FER: variants seen among roughly 807,000 people sequenced by gnomAD.
The protein encoded by FER is tyrosine-protein kinase Fer.
A neutral mutation model predicts 111.0 loss-of-function variants in FER; 63 were observed. The ratio of observed to expected loss-of-function variants is 0.57; its 90% confidence interval spans 0.46 to 0.70. The LOEUF is 0.70. Among genes scored for constraint, FER ranks in the 30% least tolerant of loss-of-function variants. FER has a pLI of 0.00. For missense variants in FER, 914 were observed against 954.0 expected, an observed-to-expected ratio of 0.96 and a Z score of 0.55; for synonymous variants, 327 against 313.9, an observed-to-expected ratio of 1.04 and a Z score of -0.44.
At chr5:109,064,890 T>C (rs945638630) in intron 16 of FER, among the ~76,000 whole-genome samples, 9 of 152,224 alleles carry the variant, frequency 5.9e-5, no homozygotes, top group African/African-American at 2.2e-4. Flanking sequence ...TTGTAGGTGA[T>C]AATTTTTATA....
chr5:109,102,890 A>G (rs754792999), intron 17 of FER, among the ~76,000 whole-genome samples: 1 of 152,108 alleles, frequency 6.6e-6, no homozygotes, highest in Non-Finnish European at 1.5e-5. Context: ...GTGCTGTAGA[A>G]CCCTGTTCCT....
intron 9 of FER, among the ~76,000 whole-genome samples, chr5:108,892,400 A>C (rs1049807656): frequency 3.3e-5 from 5 of 151,912 alleles, no homozygotes; most frequent in East Asian, 1.9e-4. Flanking sequence ...TTTGATTTGC[A>C]TTTCTCTGAT....
intron 17 of FER, among the ~76,000 whole-genome samples, chr5:109,110,245 T>C (rs1185912671): frequency 6.6e-6 from 1 of 152,084 alleles, no homozygotes; most frequent in African/African-American, 2.4e-5. Flanking sequence ...TTTTAAAAAA[T>C]AATAATCAAA....
intron 17 of FER, among the ~76,000 whole-genome samples, chr5:109,144,045 G>A (rs1229048110): frequency 1.3e-5 from 2 of 151,814 alleles, no homozygotes; most frequent in Non-Finnish European, 2.9e-5. Context: ...TTATTGCTGT[G>A]TTTCCATAAT....
chr5:109,026,824 G>T (rs1033359343), intron 13 of FER, among the ~76,000 whole-genome samples: 3 of 151,950 alleles, frequency 2.0e-5, no homozygotes, highest in Non-Finnish European at 2.9e-5. Flanking sequence ...GATTACAGGC[G>T]CCCGCCACCA....
rs369843575 is a variant in FER at position 109,174,110 on chromosome 5, A to G, written c.2049-6637A>G. On this transcript the variant is annotated intron_variant, in intron 17 of 19. Coordinates refer to ENST00000281092, the MANE Select transcript of FER (RefSeq NM_005246.4). ...TCCTTTGGGGCCACTTTTAGAAATAAGTGCCCTGTTAGTAATGGGCACAGA... is the reference window on the plus strand; with the variant it reads ...TCCTTTGGGGCCACTTTTAGAAATAGGTGCCCTGTTAGTAATGGGCACAGA... Among the ~76,000 whole-genome samples, 213 of 152,306 alleles carry G rather than the reference A, an allele frequency of 1.4e-3. 5 individuals carry two copies. The South Asian group carries it at 0.04, about 28-fold the overall frequency.
intron 8 of FER, among the ~76,000 whole-genome samples, chr5:108,882,505 A>T (rs774546046): frequency 1.4e-4 from 21 of 151,608 alleles, no homozygotes; most frequent in Middle Eastern, 3.4e-3. Context: ...GTGAACTTCC[A>T]TTGTGTTTTT....
chr5:109,119,227 T>G (rs1220134557), intron 17 of FER, among the ~76,000 whole-genome samples: 1 of 152,214 alleles, frequency 6.6e-6, no homozygotes, highest in Non-Finnish European at 1.5e-5. Context: ...CTCATTGGTT[T>G]CAAAGAACAT....
chr5:109,015,949 T>C (rs1017827210), intron 13 of FER, among the ~76,000 whole-genome samples: 1 of 151,974 alleles, frequency 6.6e-6, no homozygotes, highest in East Asian at 1.9e-4. Context: ...TTCTCTGGCT[T>C]TGGATGCTCC....
intron 16 of FER, chr5:109,052,103 C>T: frequency 5.6e-6 from 9 of 1,604,836 alleles, no homozygotes; most frequent in Non-Finnish European, 7.7e-6. Flanking sequence ...TTGACACCAT[C>T]AGTTTGGGCA....
intron 13 of FER, among the ~76,000 whole-genome samples, chr5:108,969,047 A>T (rs577374788): frequency 1.3e-5 from 2 of 152,294 alleles, no homozygotes; most frequent in South Asian, 4.1e-4. Flanking sequence ...TGTGGATAAA[A>T]ATGCTCTTTG....
chr5:108,929,392 G>A (rs991888877), intron 10 of FER, among the ~76,000 whole-genome samples: 2 of 152,126 alleles, frequency 1.3e-5, no homozygotes, highest in Non-Finnish European at 2.9e-5. Context: ...GCTACATCTT[G>A]TAAGTCAATT....
At chr5:109,005,533 A>G (rs1765385938) in intron 13 of FER, among the ~76,000 whole-genome samples, 1 of 152,132 alleles carries the variant, frequency 6.6e-6, no homozygotes, top group Admixed American at 6.5e-5. Flanking sequence ...GTTTGTGCAT[A>G]CTCCCAGACA....
At chr5:108,799,238 G>T (rs1203201820) in intron 3 of FER, among the ~76,000 whole-genome samples, 1 of 152,134 alleles carries the variant, frequency 6.6e-6, no homozygotes, top group Non-Finnish European at 1.5e-5. Context: ...ACTGTTAATT[G>T]TTCTTTGAAA....
intron 1 of FER, chr5:108,748,931 C>T (rs916836760): frequency 1.3e-5 from 2 of 153,244 alleles, no homozygotes; most frequent in East Asian, 3.8e-4. Flanking sequence ...CTGTGGCAGC[C>T]CCCGTGACGC....
intron 5 of FER, among the ~76,000 whole-genome samples, chr5:108,862,037 G>A (rs949723315): frequency 2.0e-5 from 3 of 152,134 alleles, no homozygotes; most frequent in African/African-American, 7.2e-5. Flanking sequence ...ATGTAGAAGT[G>A]TATGTGAGCT....
intron 17 of FER, among the ~76,000 whole-genome samples, chr5:109,171,291 AAATATGGAACACATAAGCTTAT>A (rs1170851090): frequency 6.6e-6 from 1 of 152,190 alleles, no homozygotes; most frequent in Non-Finnish European, 1.5e-5. Context: ...GGGTCCAGGA[AAATATGGAACACATAAGCTTAT>A]ACAGCTTATT....
intron 10 of FER, among the ~76,000 whole-genome samples, chr5:108,923,043 T>C (rs1420317202): frequency 3.7e-4 from 57 of 152,172 alleles, no homozygotes; most frequent in Admixed American, 3.4e-3. Context: ...GTACCTCAGT[T>C]TTCTCATCTG....
rs772264858 is a variant in FER at position 108,993,634 on chromosome 5, T to TGAGGGCGAGGGC, written c.1656+34305_1656+34316dup. Among the ~76,000 whole-genome samples, 686 of 105,310 alleles carry TGAGGGCGAGGGC rather than the reference T, an allele frequency of 6.5e-3. 6 individuals carry two copies. The highest frequency in any genetic ancestry group is 0.014 in the Middle Eastern group (3 of 214). 69.1% of individuals were successfully genotyped at this position (105,310 alleles called of 152,430 possible). On this transcript the variant is annotated intron_variant, in intron 13 of 19. Transcript: ENST00000281092. ...GAGAGGGCAAGGGCGAGGGCGAGGG[T>TGAGGGCGAGGGC]GAGGGCGAGGGCGAGGGCGAGGGCG...
Sources: gnomAD v4.1 joint callset for allele counts (sites outside exome capture counted in the v4.1 genomes callset) on GRCh38, gnomAD v4.1.1 for gene constraint, MANE v1.5 for transcripts, NCBI Gene and HGNC (gene_info 2026-07-23, HGNC 2026-07-21) for gene names.